TAFA1: variants seen among roughly 807,000 people sequenced by gnomAD.
TAFA1 encodes chemokine-like protein TAFA-1.
In TAFA1, 4 loss-of-function variants were observed where a neutral mutation model predicts 18.5. The observed-to-expected ratio is 0.22, with a 90% CI of 0.11 to 0.49. TAFA1 has a LOEUF of 0.49. TAFA1 is among the 20% of genes least tolerant of loss of function. TAFA1 has a pLI of 0.98. For synonymous variants in TAFA1, 56 were observed against 55.2 expected (o/e 1.01, Z -0.06); for missense variants, 147 against 169.0 (o/e 0.87, Z 0.72).
In TAFA1 at chr3:68,033,032, A is replaced by G. The variant is rs1224602181; in HGVS notation, c.118+26288A>G. Among the ~76,000 whole-genome samples the G allele has an allele frequency of 3.3e-5, 5 of 152,296 alleles. No homozygotes were observed. In the East Asian group the frequency reaches 7.7e-4, roughly 23 times the overall value. On this transcript the variant is annotated intron_variant, in intron 2 of 4. Transcript: ENST00000478136. ...CAGAAGCAAGAACATTTATATATAA[A>G]TGGTTGAAGGAAAATATATATACTC...
chr3:68,448,483 T>C (rs78330511), intron 3 of TAFA1, among the ~76,000 whole-genome samples: 3,663 of 152,282 alleles, frequency 0.024, 70 homozygotes, highest in East Asian at 0.094. Context: ...TAAATAAAAA[T>C]CTTTGTGATT....
intron 3 of TAFA1, among the ~76,000 whole-genome samples, chr3:68,477,573 G>T (rs893206228): frequency 2.0e-5 from 3 of 151,966 alleles, no homozygotes; most frequent in Admixed American, 6.6e-5. Context: ...TAGAGATGGG[G>T]TTTCACTATG....
chr3:68,316,578 C>T (rs951270261), intron 2 of TAFA1, among the ~76,000 whole-genome samples: 2 of 152,068 alleles, frequency 1.3e-5, no homozygotes, highest in African/African-American at 2.4e-5. Flanking sequence ...GTAATGGGTC[C>T]AGAAAACATA....
chr3:68,182,573 A>G (rs986016134), intron 2 of TAFA1, among the ~76,000 whole-genome samples: 9 of 152,184 alleles, frequency 5.9e-5, no homozygotes, highest in Admixed American at 2.6e-4. Flanking sequence ...ATCTGATCCT[A>G]TAGAATACTG....
intron 2 of TAFA1, among the ~76,000 whole-genome samples, chr3:68,373,344 A>C (rs1240170625): frequency 1.3e-5 from 2 of 152,226 alleles, no homozygotes; most frequent in African/African-American, 4.8e-5. Context: ...TGAGGTTCAG[A>C]AATCATGAGT....
chr3:68,156,818 CCTTAT>C (rs2065872986), intron 2 of TAFA1, among the ~76,000 whole-genome samples: 2 of 151,982 alleles, frequency 1.3e-5, no homozygotes, highest in Admixed American at 1.3e-4. Context: ...TTAATGCCAT[CCTTAT>C]CTTTAATGTT....
chr3:68,296,088 T>C (rs958658439), intron 2 of TAFA1, among the ~76,000 whole-genome samples: 1 of 152,208 alleles, frequency 6.6e-6, no homozygotes, highest in Admixed American at 6.5e-5. Context: ...AGAATTAATA[T>C]AGACAAACCA....
chr3:68,333,365 T>C (rs1033122246), intron 2 of TAFA1, among the ~76,000 whole-genome samples: 1 of 152,172 alleles, frequency 6.6e-6, no homozygotes, highest in Non-Finnish European at 1.5e-5. Flanking sequence ...GACCTTTATC[T>C]TAAGCAAACT....
rs34928782 is a variant in TAFA1, at chr3:68,302,679, T to C, written c.119-114601T>C. Among the ~76,000 whole-genome samples, 1,416 of 152,216 alleles carry C rather than the reference T, an allele frequency of 9.3e-3. 15 individuals are homozygous for C. Among genetic ancestry groups the C allele is most frequent in the Non-Finnish European group, 0.016 (1,112 of 68,022 alleles). ...GTATCGAAGGTGCTAACTAAATACC[T>C]CTGGATGACTGGGACACAGGAAGCA... On this transcript the variant is annotated intron_variant, in intron 2 of 4. Transcript: ENST00000478136.
chr3:68,078,777 T>C (rs2064858786), intron 2 of TAFA1, among the ~76,000 whole-genome samples: 1 of 152,236 alleles, frequency 6.6e-6, no homozygotes, highest in South Asian at 2.1e-4. Flanking sequence ...ATTCTCTTTT[T>C]TTGTTGTGTC....
In TAFA1 at chr3:68,227,406, G is replaced by A. The variant is rs146685360; in HGVS notation, c.119-189874G>A. On this transcript the variant is annotated intron_variant, in intron 2 of 4. Coordinates refer to ENST00000478136, the MANE Select transcript of TAFA1 (RefSeq NM_213609.4). The stretch of plus-strand genomic sequence containing the variant: ...ACATTACATGAAAAATGAGGAAAGG[G>A]AATCAAGACAGATTAGAACATAATT... 9.2e-5 allele frequency among the ~76,000 whole-genome samples: 14 copies of A among 152,282 alleles called. No individual in the cohort carries two copies. In the East Asian group the frequency reaches 2.7e-3, roughly 30 times the overall value.
intron 3 of TAFA1, among the ~76,000 whole-genome samples, chr3:68,498,981 A>G (rs555190735): frequency 1.3e-5 from 2 of 152,156 alleles, no homozygotes; most frequent in East Asian, 3.9e-4. Context: ...GGGGCCTAGA[A>G]GTAAATTTTC....
intron 2 of TAFA1, among the ~76,000 whole-genome samples, chr3:68,114,490 GATGCTCAATCTC>G (rs1214392051): frequency 6.6e-6 from 1 of 152,180 alleles, no homozygotes; most frequent in Non-Finnish European, 1.5e-5. Flanking sequence ...CTTATGAGAT[GATGCTCAATCTC>G]ATTGATCCTT....
intron 2 of TAFA1, among the ~76,000 whole-genome samples, chr3:68,036,009 G>C (rs1705039495): frequency 6.6e-6 from 1 of 152,168 alleles, no homozygotes; most frequent in Non-Finnish European, 1.5e-5. Flanking sequence ...CTAAGGTTGA[G>C]GGTAGGCATT....
chr3:68,110,737 A>C (rs2065253316), intron 2 of TAFA1, among the ~76,000 whole-genome samples: 2 of 152,172 alleles, frequency 1.3e-5, no homozygotes, highest in African/African-American at 4.8e-5. Context: ...AATGTGAAAG[A>C]AAGAGATAAA....
At chr3:68,338,180 C>T (rs1040271595) in intron 2 of TAFA1, among the ~76,000 whole-genome samples, 1 of 152,170 alleles carries the variant, frequency 6.6e-6, no homozygotes, top group African/African-American at 2.4e-5. Context: ...TTAATTTTTA[C>T]TTATGTAATG....
chr3:67,991,772 C>T, the TAFA1 span, among the ~76,000 whole-genome samples: 1 of 152,200 alleles, frequency 6.6e-6, no homozygotes, highest in African/African-American at 2.4e-5. Flanking sequence ...TTGCAGACAG[C>T]CTGTCGTGGG....
At chr3:68,342,367 G>A (rs928081177) in intron 2 of TAFA1, among the ~76,000 whole-genome samples, 2 of 152,110 alleles carry the variant, frequency 1.3e-5, no homozygotes, top group African/African-American at 4.8e-5. Context: ...ATGAGCTTCT[G>A]GGGAGTTTCT....
At chr3:68,009,875 A>G (rs1222200376) in intron 2 of TAFA1, among the ~76,000 whole-genome samples, 1 of 152,220 alleles carries the variant, frequency 6.6e-6, no homozygotes, top group South Asian at 2.1e-4. Flanking sequence ...GATAGAAATC[A>G]GGGCCAGTTA....
Sources: gnomAD v4.1 joint callset for allele counts (sites outside exome capture counted in the v4.1 genomes callset) on GRCh38, gnomAD v4.1.1 for gene constraint, MANE v1.5 for transcripts, NCBI Gene and HGNC (gene_info 2026-07-23, HGNC 2026-07-21) for gene names.